Variants in PHF24 observed in about 807,000 individuals in gnomAD.
PHF24 encodes Galpha inhibitory interacting protein.
PHF24 carries 25 observed loss-of-function variants against 42.6 expected under a neutral mutation model. The ratio of observed to expected loss-of-function variants is 0.59; its 90% CI spans 0.43 to 0.82. The LOEUF is 0.82. Ranked by LOEUF, PHF24 falls within the 40% of genes least tolerant of loss-of-function variation. The pLI, the probability that PHF24 is intolerant of heterozygous loss-of-function variation, is 0.00. For missense variants in PHF24, 470 were observed against 538.1 expected, an observed-to-expected ratio of 0.87 and a Z score of 1.25; for synonymous variants, 185 against 204.8, an observed-to-expected ratio of 0.90 and a Z score of 0.83.
At chr9:34,961,098 G>A (rs986014279) in intron 1 of PHF24, among the ~76,000 whole-genome samples, 14 of 152,100 alleles carry the variant, frequency 9.2e-5, no homozygotes, top group Non-Finnish European at 1.9e-4. Flanking sequence ...CCATTTCCCC[G>A]ACTCCTTGCA....
chr9:34,723,418 C>T, the PHF24 span: 392 of 1,551,732 alleles, frequency 2.5e-4, 2 homozygotes, highest in African/African-American at 4.5e-3. Context: ...GAGATTGGGC[C>T]TTGGAGCACC....
At chr9:34,752,293 C>A in the PHF24 span, among the ~76,000 whole-genome samples, 6 of 151,994 alleles carry the variant, frequency 3.9e-5, no homozygotes, top group East Asian at 1.2e-3. Context: ...ATTGACAAAC[C>A]TTTAGCCAGG....
chr9:34,897,674 T>C, the PHF24 span, among the ~76,000 whole-genome samples: 1 of 152,216 alleles, frequency 6.6e-6, no homozygotes, highest in Non-Finnish European at 1.5e-5. Context: ...ATTTTTCTCT[T>C]TTAATTTTTT....
At chr9:34,712,213 C>T in the PHF24 span, among the ~76,000 whole-genome samples, 4 of 151,436 alleles carry the variant, frequency 2.6e-5, no homozygotes. Context: ...TAATGAGTTA[C>T]TTCTCTCTTG....
the PHF24 span, among the ~76,000 whole-genome samples, chr9:34,886,834 G>GTATCTATGTATCTATC: frequency 2.0e-4 from 30 of 148,810 alleles, 1 homozygote; most frequent in South Asian, 1.5e-3. Flanking sequence ...ATGTATCTAT[G>GTATCTATGTATCTATC]TATCTATCTA....
the PHF24 span, among the ~76,000 whole-genome samples, chr9:34,796,683 G>A: frequency 2.0e-5 from 3 of 152,148 alleles, no homozygotes; most frequent in Non-Finnish European, 4.4e-5. Flanking sequence ...AGAAAGCAGC[G>A]CAACTGGATC....
upstream of PHF24, among the ~76,000 whole-genome samples, chr9:34,956,593 A>G (rs772572755): frequency 6.6e-6 from 1 of 152,250 alleles, no homozygotes; most frequent in Non-Finnish European, 1.5e-5. Context: ...ATTAACCGAC[A>G]GAGATTTATA....
chr9:34,909,783 G>T, the PHF24 span, among the ~76,000 whole-genome samples: 6 of 152,116 alleles, frequency 3.9e-5, no homozygotes, highest in Non-Finnish European at 8.8e-5. Context: ...CACCATGCCT[G>T]GCTAATTTTT....
the PHF24 span, among the ~76,000 whole-genome samples, chr9:34,900,239 C>G: frequency 6.7e-6 from 1 of 148,886 alleles, no homozygotes; most frequent in Non-Finnish European, 1.5e-5. Context: ...AAAGAGAGAC[C>G]AATGACCAAT....
the PHF24 span, chr9:34,922,948 C>T: frequency 7.3e-7 from 1 of 1,376,194 alleles, no homozygotes; most frequent in Non-Finnish European, 9.9e-7. Context: ...AGTGGTCTCA[C>T]CTTGTGTCGG....
chr9:34,917,098 T>C, the PHF24 span: 1 of 746,858 alleles, frequency 1.3e-6, no homozygotes, highest in Non-Finnish European at 2.5e-6. Context: ...AGGCCTCCTC[T>C]CCTCTCCTCT....
chr9:34,788,098 T>C, the PHF24 span, among the ~76,000 whole-genome samples: 1 of 152,158 alleles, frequency 6.6e-6, no homozygotes, highest in South Asian at 2.1e-4. Context: ...AGTGCAGTGG[T>C]GTGATCATGG....
the PHF24 span, among the ~76,000 whole-genome samples, chr9:34,947,417 G>A: frequency 5.9e-3 from 899 of 152,198 alleles, 3 homozygotes; most frequent in African/African-American, 0.02. Context: ...CTGTGCTGCC[G>A]GTTATATAAA....
the PHF24 span, among the ~76,000 whole-genome samples, chr9:34,697,494 A>G: frequency 2.6e-4 from 39 of 152,130 alleles, no homozygotes; most frequent in Admixed American, 2.6e-3. Context: ...TGACTTTTGT[A>G]TTTTTAGTAG....
upstream of PHF24, among the ~76,000 whole-genome samples, chr9:34,954,085 G>A (rs565277740): frequency 1.3e-5 from 2 of 151,964 alleles, no homozygotes; most frequent in East Asian, 3.9e-4. Context: ...AGAGGCAGGA[G>A]GATAGCATGA....
At chr9:34,837,009 G>GA in the PHF24 span, 7 of 465,480 alleles carry the variant, frequency 1.5e-5, no homozygotes, top group East Asian at 7.0e-5. Flanking sequence ...CAGGCTAAAT[G>GA]AAAAAATCAC....
the PHF24 span, among the ~76,000 whole-genome samples, chr9:34,936,828 C>T: frequency 2.7e-5 from 4 of 150,796 alleles, no homozygotes; most frequent in Admixed American, 2.0e-4. Context: ...AGACCCTCTG[C>T]CTGGCAACCG....
At chr9:34,677,966 G>A in the PHF24 span, 1 of 152,278 alleles carries the variant, frequency 6.6e-6, no homozygotes, top group African/African-American at 2.4e-5. Flanking sequence ...AGGATTCAAA[G>A]TATTGATCCT....
the PHF24 span, among the ~76,000 whole-genome samples, chr9:34,886,501 A>T: frequency 6.6e-6 from 1 of 152,144 alleles, no homozygotes; most frequent in Admixed American, 6.5e-5. Context: ...CTGATTGGCA[A>T]CTTGTCATTC....
Sources: allele counts gnomAD v4.1 joint callset (sites outside exome capture counted in the v4.1 genomes callset), GRCh38; gene constraint gnomAD v4.1.1; transcripts MANE v1.5; gene names NCBI Gene and HGNC (gene_info 2026-07-23, HGNC 2026-07-21).